The following CRTAC1 variants were observed in gnomAD, a reference collection of about 807,000 sequenced individuals.
CRTAC1 encodes cartilage acidic protein 1, also known as acidic secreted protein in cartilage.
In CRTAC1, 37 loss-of-function variants were observed where a neutral mutation model predicts 67.8. The ratio of observed to expected loss-of-function variants is 0.55; its 90% CI spans 0.42 to 0.72. The LOEUF is 0.72. Ranked by LOEUF, CRTAC1 falls within the 30% of genes least tolerant of loss-of-function variation. The pLI is 0.00. For missense variants in CRTAC1, 780 were observed against 931.6 expected (o/e 0.84, Z 2.12); for synonymous variants, 348 against 371.0 (o/e 0.94, Z 0.71).
chr10:97,890,299 G>T (rs540581757), intron 11 of CRTAC1, among the ~76,000 whole-genome samples: 86 of 152,168 alleles, frequency 5.7e-4, no homozygotes, highest in African/African-American at 2.0e-3. Flanking sequence ...GTAGAAAGGG[G>T]GGTCTCGCCA....
At chr10:98,021,397 G>T (rs529116948) in intron 1 of CRTAC1, among the ~76,000 whole-genome samples, 1 of 152,128 alleles carries the variant, frequency 6.6e-6, no homozygotes, top group Admixed American at 6.5e-5. Context: ...ACAAAACCTC[G>T]GGGGACCCAG....
At chr10:97,904,516 G>T (rs2050582778) in intron 7 of CRTAC1, among the ~76,000 whole-genome samples, 153 bp downstream of exon 7, 1 of 152,100 alleles carries the variant, frequency 6.6e-6, no homozygotes, top group African/African-American at 2.4e-5. Flanking sequence ...CTGCCTCCTG[G>T]GCTCAAGATT....
chr10:98,003,448 A>G (rs906249233), intron 2 of CRTAC1, among the ~76,000 whole-genome samples: 5 of 152,108 alleles, frequency 3.3e-5, no homozygotes, highest in Non-Finnish European at 5.9e-5. Context: ...GCCTTTTCCA[A>G]CTTCTGGAGG....
At chr10:97,917,923 C>T (rs1208271905) in intron 4 of CRTAC1, among the ~76,000 whole-genome samples, 2 of 152,206 alleles carry the variant, frequency 1.3e-5, no homozygotes, top group Non-Finnish European at 2.9e-5. Context: ...CACACCCCTC[C>T]CTCTCCCCCA....
chr10:98,007,740 C>T (rs1842821104), intron 2 of CRTAC1, among the ~76,000 whole-genome samples: 1 of 152,154 alleles, frequency 6.6e-6, no homozygotes. Context: ...CGGAGGATGA[C>T]TCCAAAGTCC....
chr10:97,948,153 T>C (rs1467273746), intron 2 of CRTAC1, among the ~76,000 whole-genome samples: 1 of 149,920 alleles, frequency 6.7e-6, no homozygotes, highest in Non-Finnish European at 1.5e-5. Context: ...ATTAGGTTTC[T>C]GTTCCTTATA....
At chr10:97,965,594 C>G (rs909530949) in intron 2 of CRTAC1, among the ~76,000 whole-genome samples, 3 of 151,950 alleles carry the variant, frequency 2.0e-5, no homozygotes, top group Non-Finnish European at 2.9e-5. Flanking sequence ...ATTCTCTATA[C>G]TGATTGTAAT....
intron 3 of CRTAC1, among the ~76,000 whole-genome samples, chr10:97,924,953 C>A (rs1005794773): frequency 6.6e-6 from 1 of 152,040 alleles, no homozygotes; most frequent in African/African-American, 2.4e-5. Flanking sequence ...GGAGTAAGAG[C>A]CAGCATGAGT....
intron 6 of CRTAC1, among the ~76,000 whole-genome samples, chr10:97,905,750 T>C (rs1364112763): frequency 6.6e-6 from 1 of 152,052 alleles, no homozygotes; most frequent in Non-Finnish European, 1.5e-5. Flanking sequence ...GGGACGTGGG[T>C]GACAGCAGAG....
rs1408669204 is a variant in CRTAC1, at chr10:97,865,379, G to GGCCT, written c.*165_*168dup. 1 of 780,256 alleles carries GGCCT rather than the reference G, an allele frequency of 1.3e-6. No individual in the cohort carries two copies. The highest frequency in any genetic ancestry group is 1.7e-5 in the African/African-American group (1 of 57,682). The allele number at this position is 780,256 out of a possible 1,614,324, so 48.3% of individuals were successfully genotyped here. A position where few individuals can be genotyped will look rare whatever the true frequency, so the allele number is the denominator to read the frequency against. On this transcript the variant is annotated 3_prime_UTR_variant, in exon 15 of 15. Coordinates refer to ENST00000370597, the MANE Select transcript of CRTAC1 (RefSeq NM_018058.7). ...GATCACAGCTATGTGCCCAGCACAG[G>GGCCT]GCCTGGCCTTACGAGTCTCCCTAAT...
At chr10:97,974,573 C>A (rs1047292008) in intron 2 of CRTAC1, among the ~76,000 whole-genome samples, 1 of 152,206 alleles carries the variant, frequency 6.6e-6, no homozygotes, top group Non-Finnish European at 1.5e-5. Context: ...AAGGAGAAGT[C>A]GCTTTGGTGG....
At chr10:98,011,709 T>C (rs1842912623) in intron 1 of CRTAC1, among the ~76,000 whole-genome samples, 1 of 152,232 alleles carries the variant, frequency 6.6e-6, no homozygotes, top group South Asian at 2.1e-4. Context: ...TTCACTGATA[T>C]GCAGCAAGCC....
chr10:97,988,747 T>C (rs185289963), intron 2 of CRTAC1, among the ~76,000 whole-genome samples: 6 of 152,292 alleles, frequency 3.9e-5, no homozygotes, highest in Admixed American at 1.3e-4. Flanking sequence ...GAAATTATGA[T>C]GGCAGTACTG....
rs138792033 is a variant in CRTAC1 at position 97,873,964 on chromosome 10, G to A, written c.1819+6285C>T. Among the ~76,000 whole-genome samples the A allele has an allele frequency of 4.6e-5, 7 of 152,294 alleles. No individual in the cohort carries two copies. The East Asian group carries it at 1.3e-3, about 29-fold the overall frequency. ...GGTTCTTCTGTTACTTGATGGGCAC[G>A]TATCCTGACTCAGTTTCCATGTCAG... On this transcript the variant is annotated intron_variant, in intron 14 of 14. Transcript: ENST00000370597.
Position 97,908,015 on chromosome 10 carries a change from G to A in CRTAC1, c.848C>T (p.Ala283Val). 1 of 1,614,118 alleles carries A rather than the reference G, an allele frequency of 6.2e-7. No individual in the cohort carries two copies. The highest frequency in any genetic ancestry group is 8.5e-7 in the Non-Finnish European group (1 of 1,179,988). ...AGGGCATGGCTGCCTCCACTCACCA[G>A]CACTGGCCGCAGCGTCCACAAAGGT... ...DGTFVDAAAS[A>V]GVDDPHQHGR... is the part of the protein sequence containing the mutation. The change falls in exon 6 of 15, where the codon GCT becomes GTT. Residue 283 changes from alanine to valine, a missense_variant and splice_region_variant. By Grantham distance (64) the Ala-to-Val change is moderately conservative. Coordinates refer to ENST00000370597, the MANE Select transcript of CRTAC1 (RefSeq NM_018058.7).
At chr10:97,953,530 C>T (rs1019460439) in intron 2 of CRTAC1, among the ~76,000 whole-genome samples, 3 of 152,136 alleles carry the variant, frequency 2.0e-5, no homozygotes, top group African/African-American at 4.8e-5. Context: ...CCAGCCCTGA[C>T]CTTGGGACTC....
chr10:97,934,446 G>T (rs1421633831), intron 3 of CRTAC1, among the ~76,000 whole-genome samples: 1 of 152,156 alleles, frequency 6.6e-6, no homozygotes, highest in Non-Finnish European at 1.5e-5. Context: ...GCTACACAAG[G>T]CTGGCTGCCA....
chr10:97,904,878 T>C (rs2050589827), intron 6 of CRTAC1, 64 bp from the exon 7 acceptor site: 3 of 1,493,192 alleles, frequency 2.0e-6, no homozygotes, highest in Non-Finnish European at 2.7e-6. Context: ...ACACTCACCC[T>C]GCTCTAGCTC....
chr10:97,983,876 C>T (rs891501101), intron 2 of CRTAC1, among the ~76,000 whole-genome samples: 1 of 152,220 alleles, frequency 6.6e-6, no homozygotes, highest in African/African-American at 2.4e-5. Flanking sequence ...ATATAACACA[C>T]AGCATACACA....
Sources: allele counts gnomAD v4.1 joint callset (sites outside exome capture counted in the v4.1 genomes callset), GRCh38; gene constraint gnomAD v4.1.1; transcripts MANE v1.5; gene names NCBI Gene and HGNC (gene_info 2026-07-23, HGNC 2026-07-21).